PARD3: variants seen among roughly 807,000 people sequenced by gnomAD.
The protein encoded by PARD3 is partitioning defective 3 homolog.
PARD3 carries 75 observed loss-of-function variants against 155.4 expected under a neutral mutation model. The observed-to-expected ratio is 0.48, with a 90% CI of 0.40 to 0.58. The LOEUF (loss-of-function observed/expected upper bound fraction) is 0.58. Among genes scored for constraint, PARD3 ranks in the 20% least tolerant of loss-of-function variants. The pLI is 0.00. For missense variants in PARD3, 1,642 were observed against 1,721.7 expected, an observed-to-expected ratio of 0.95 and a Z score of 0.82; for synonymous variants, 576 against 610.5, an observed-to-expected ratio of 0.94 and a Z score of 0.83.
chr10:34,668,403 T>C (rs1184615418), intron 2 of PARD3, among the ~76,000 whole-genome samples: 1 of 152,204 alleles, frequency 6.6e-6, no homozygotes, highest in African/African-American at 2.4e-5. Flanking sequence ...AACTGAATCA[T>C]AGTCACTGCA....
intron 20 of PARD3, among the ~76,000 whole-genome samples, chr10:34,293,336 T>C (rs971352338): frequency 2.6e-5 from 4 of 152,166 alleles, no homozygotes; most frequent in Non-Finnish European, 4.4e-5. Flanking sequence ...CTTGGCTTGA[T>C]GCACTTTATT....
intron 23 of PARD3, among the ~76,000 whole-genome samples, chr10:34,131,110 T>C (rs982266272): frequency 6.6e-6 from 1 of 152,142 alleles, no homozygotes; most frequent in Admixed American, 6.5e-5. Context: ...ACAGGCACAA[T>C]GGAGAAGTGC....
intron 22 of PARD3, among the ~76,000 whole-genome samples, chr10:34,215,017 T>C (rs1951935435): frequency 6.6e-6 from 1 of 152,214 alleles, no homozygotes; most frequent in African/African-American, 2.4e-5. Context: ...TAGAGCCCTC[T>C]CACCTATTGG....
At chr10:34,655,899 A>T (rs943043553) in intron 2 of PARD3, among the ~76,000 whole-genome samples, 1 of 152,240 alleles carries the variant, frequency 6.6e-6, no homozygotes, top group Admixed American at 6.5e-5. Context: ...GAAGGAAAGC[A>T]GCAAAGAGCA....
intron 22 of PARD3, among the ~76,000 whole-genome samples, chr10:34,195,423 T>C (rs1950892366): frequency 6.6e-6 from 1 of 150,982 alleles, no homozygotes; most frequent in African/African-American, 2.4e-5. Context: ...CTGCTACAAA[T>C]ACACACACAC....
chr10:34,236,940 G>T (rs1327285084), intron 22 of PARD3, among the ~76,000 whole-genome samples: 1 of 152,080 alleles, frequency 6.6e-6, no homozygotes, highest in Non-Finnish European at 1.5e-5. Context: ...TATCAAAGTT[G>T]ACGTTAAAAT....
intron 5 of PARD3, among the ~76,000 whole-genome samples, chr10:34,428,567 A>T (rs1357820951): frequency 6.6e-6 from 1 of 152,222 alleles, no homozygotes; most frequent in Non-Finnish European, 1.5e-5. Context: ...ATATTAGTGC[A>T]CAAATTAATT....
intron 5 of PARD3, among the ~76,000 whole-genome samples, chr10:34,445,576 G>A (rs1004562056): frequency 4.6e-5 from 7 of 152,122 alleles, no homozygotes; most frequent in South Asian, 2.1e-4. Context: ...ATCAAAGCTC[G>A]GTCTTTGGTG....
chr10:34,331,231 G>A lies in PARD3; in HGVS notation c.2719C>T (p.Arg907Cys), dbSNP rs566752362. Residue 907 changes from arginine to cysteine, a missense_variant, in exon 19 of 25, where the codon CGT becomes TGT. This residue lies in a region of PARD3 where 1,529 missense variants were observed against 1,587.3 expected (regional missense o/e 0.96). Coordinates refer to ENST00000374788, the MANE Select transcript of PARD3 (RefSeq NM_001184785.2). ...VTLNGDIPFHRPRPRIIRGRG... is the reference protein window; with the variant it reads ...VTLNGDIPFHCPRPRIIRGRG... ...CCTCTGATTATCCGCGGCCGTGGAC[G>A]ATGGAAAGGAATATCCCCATTCAAA... is the stretch of plus-strand genomic sequence containing the variant. The A allele has an allele frequency of 3.1e-6, 5 of 1,613,916 alleles. No individual in the cohort carries two copies. In the African/African-American group the frequency reaches 5.3e-5, roughly 17 times the overall value.
At chr10:34,718,149 CA>C (rs71033340) in intron 1 of PARD3, among the ~76,000 whole-genome samples, 30,151 of 82,732 alleles carry the variant, frequency 0.36, 2,368 homozygotes, top group Non-Finnish European at 0.39. Context: ...GACTCCATCT[CA>C]AAAAAAAAAA....
chr10:34,321,508 T>C (rs927046838), intron 19 of PARD3, among the ~76,000 whole-genome samples: 1 of 152,226 alleles, frequency 6.6e-6, no homozygotes, highest in African/African-American at 2.4e-5. Flanking sequence ...TTGACAACAT[T>C]TCTGCCTGTT....
Position 34,628,998 on chromosome 10 carries a change from C to T in PARD3, c.222+67320G>A, listed in dbSNP as rs1443992879. Among the ~76,000 whole-genome samples, 3 of 152,132 alleles carry T rather than the reference C, an allele frequency of 2.0e-5. No homozygotes were observed. In the East Asian group the frequency reaches 5.8e-4, roughly 29 times the overall value. ...CCTATAAATGGGTAAAAGAATAGGT[C>T]TTTAAGCCCTCCCCCAAAATGGGGA... On this transcript the variant is annotated intron_variant, in intron 2 of 24. Coordinates refer to ENST00000374788, the MANE Select transcript of PARD3 (RefSeq NM_001184785.2).
intron 3 of PARD3, among the ~76,000 whole-genome samples, chr10:34,502,943 T>A (rs886253116): frequency 2.6e-5 from 4 of 152,154 alleles, no homozygotes; most frequent in Non-Finnish European, 4.4e-5. Flanking sequence ...CCTCTCCTCA[T>A]AAGGGATCCA....
At chr10:34,701,333 ATGTTGTTGT>A (rs34806804) in intron 1 of PARD3, among the ~76,000 whole-genome samples, 5,255 of 149,956 alleles carry the variant, frequency 0.035, 249 homozygotes, top group African/African-American at 0.11. Flanking sequence ...ACACGCGGGG[ATGTTGTTGT>A]TGTTGTTGTT....
chr10:34,508,685 G>T (rs184416564), intron 3 of PARD3, among the ~76,000 whole-genome samples: 42 of 152,292 alleles, frequency 2.8e-4, no homozygotes, highest in Admixed American at 2.0e-3. Flanking sequence ...ACAGTTAAAT[G>T]TATATCACAG....
intron 1 of PARD3, among the ~76,000 whole-genome samples, chr10:34,771,334 C>G (rs537401481): frequency 1.6e-4 from 24 of 152,250 alleles, no homozygotes; most frequent in African/African-American, 5.8e-4. Context: ...CTCCCCTCTT[C>G]ATCTGAGGTA....
At position 34,111,406 on chromosome 10, in the gene PARD3, C is replaced by T; in HGVS notation, c.3825G>A (p.Arg1275=). The part of the protein sequence containing the change: ...GYLGGHGFNA[R]VMLETQELLR... ...GGAGCTCCTGAGTTTCCAGCATGACCCTGGCGTTGAAGCCATGTCCTCCCA... is the reference window on the plus strand; with the variant it reads ...GGAGCTCCTGAGTTTCCAGCATGACTCTGGCGTTGAAGCCATGTCCTCCCA... Residue 1275 remains arginine, a synonymous_variant, in exon 25 of 25, where the codon AGG becomes AGA. Transcript: ENST00000374788. The T allele has an allele frequency of 1.2e-6, 2 of 1,614,192 alleles. No individual in the cohort carries two copies. Among genetic ancestry groups the T allele is most frequent in the East Asian group, 2.2e-5 (1 of 44,868 alleles).
chr10:34,773,207 T>A (rs942660449), intron 1 of PARD3, among the ~76,000 whole-genome samples: 1 of 152,252 alleles, frequency 6.6e-6, no homozygotes, highest in Non-Finnish European at 1.5e-5. Context: ...GCCCCACAAC[T>A]AATAACACTT....
chr10:34,677,261 G>A (rs1037808565), intron 2 of PARD3, among the ~76,000 whole-genome samples: 11 of 152,068 alleles, frequency 7.2e-5, no homozygotes, highest in African/African-American at 2.7e-4. Flanking sequence ...CAGGAGGACT[G>A]CTTGAGGCCA....
Sources: allele counts gnomAD v4.1 joint callset (sites outside exome capture counted in the v4.1 genomes callset), GRCh38; gene constraint gnomAD v4.1.1; regional missense constraint gnomAD v4.1.1; transcripts MANE v1.5; gene names NCBI Gene and HGNC (gene_info 2026-07-23, HGNC 2026-07-21).